Variants in KLF12 observed in about 807,000 individuals in gnomAD.
The protein encoded by KLF12 is Krueppel-like factor 12.
Under a neutral mutation model 37.8 loss-of-function variants are expected in KLF12, and 9 were observed. That is an observed-to-expected ratio of 0.24 (90% confidence interval 0.14 to 0.42). The LOEUF (loss-of-function observed/expected upper bound fraction) is 0.42, where lower values mean the gene tolerates loss of function less well. Among genes scored for constraint, KLF12 ranks in the 10% least tolerant of loss-of-function variants. The pLI is 1.00. For synonymous variants in KLF12, 208 were observed against 202.1 expected, an observed-to-expected ratio of 1.03 and a Z score of -0.25; for missense variants, 411 against 516.0, an observed-to-expected ratio of 0.80 and a Z score of 1.97.
the KLF12 span, among the ~76,000 whole-genome samples, chr13:74,301,817 A>G: frequency 1.3e-5 from 2 of 152,066 alleles, no homozygotes; most frequent in African/African-American, 2.4e-5. Flanking sequence ...AATCCAACCA[A>G]TCGCAGTATT....
chr13:73,713,471 C>T (rs1253616229), intron 7 of KLF12, among the ~76,000 whole-genome samples: 6 of 152,184 alleles, frequency 3.9e-5, no homozygotes, highest in Non-Finnish European at 8.8e-5. Context: ...CATAAGTATG[C>T]AGAAAACTGC....
chr13:74,135,561 G>C (rs954273802), upstream of KLF12, among the ~76,000 whole-genome samples: 4 of 151,260 alleles, frequency 2.6e-5, no homozygotes, highest in African/African-American at 9.7e-5. Flanking sequence ...CGGAGGGTCG[G>C]CGGGGGCGGG....
chr13:73,930,897 C>T (rs140917295), intron 3 of KLF12, among the ~76,000 whole-genome samples: 1 of 129,910 alleles, frequency 7.7e-6, no homozygotes, highest in East Asian at 2.3e-4. Flanking sequence ...CGGAGTTTCG[C>T]TCCTTGCCCA....
At chr13:74,055,681 A>G (rs974220074) in intron 1 of KLF12, among the ~76,000 whole-genome samples, 11 of 152,214 alleles carry the variant, frequency 7.2e-5, no homozygotes, top group East Asian at 1.9e-4. Flanking sequence ...GATACGTCCA[A>G]AGGAAATTTT....
rs912826236 is a variant in KLF12 at position 74,066,544 on chromosome 13, C to T, written c.-32+67195G>A. Among the ~76,000 whole-genome samples, 64 of 152,050 alleles carry T rather than the reference C, an allele frequency of 4.2e-4. 1 individual carries two copies. Among genetic ancestry groups the T allele is most frequent in the African/African-American group, 1.4e-3 (58 of 41,374 alleles). ...CAACACGCACCTGTAGTCCCAGTTA[C>T]TCAGGAGGCTAAGGTGGGAGAACGA... On this transcript the variant is annotated intron_variant, in intron 1 of 7. Transcript: ENST00000377669.
rs375345350 is a variant in KLF12, at chr13:73,718,299, C to T, written c.870-2774G>A. ...TTTCTTTAGGGACCAATGAAGTAAT[C>T]GGGCAACACAGCCCATCAACCACTT... is the stretch of plus-strand genomic sequence containing the variant. On this transcript the variant is annotated intron_variant, in intron 6 of 7. Transcript: ENST00000377669. Among the ~76,000 whole-genome samples the T allele has an allele frequency of 1.1e-4, 17 of 152,244 alleles. No individual in the cohort carries two copies. In the East Asian group the frequency reaches 1.7e-3, roughly 16 times the overall value.
chr13:74,133,104 C>T (rs1336891870), intron 1 of KLF12, among the ~76,000 whole-genome samples: 1 of 152,186 alleles, frequency 6.6e-6, no homozygotes, highest in African/African-American at 2.4e-5. Flanking sequence ...CTTGCATGGA[C>T]CAGGCACTGT....
intron 7 of KLF12, among the ~76,000 whole-genome samples, chr13:73,708,294 C>G (rs1252161268): frequency 6.6e-6 from 1 of 152,070 alleles, no homozygotes; most frequent in Admixed American, 6.5e-5. Context: ...CCTACTGGGC[C>G]TCACAAATTT....
At chr13:73,973,278 G>A (rs974258188) in intron 2 of KLF12, among the ~76,000 whole-genome samples, 1 of 152,154 alleles carries the variant, frequency 6.6e-6, no homozygotes, top group Non-Finnish European at 1.5e-5. Flanking sequence ...CCAATAAAAA[G>A]GAAAGCCACA....
chr13:73,927,384 G>C (rs940759465), intron 3 of KLF12, among the ~76,000 whole-genome samples: 1 of 152,092 alleles, frequency 6.6e-6, no homozygotes, highest in Non-Finnish European at 1.5e-5. Context: ...GAAAACATCA[G>C]CTGTGGGGCA....
chr13:73,911,880 G>A (rs1888585818), intron 3 of KLF12, among the ~76,000 whole-genome samples: 1 of 152,136 alleles, frequency 6.6e-6, no homozygotes, highest in African/African-American at 2.4e-5. Context: ...ACTCTGTCAT[G>A]TAGGCCAGAG....
intron 6 of KLF12, among the ~76,000 whole-genome samples, chr13:73,753,181 T>G (rs1337107388): frequency 6.6e-6 from 1 of 152,164 alleles, no homozygotes; most frequent in Non-Finnish European, 1.5e-5. Flanking sequence ...GCGGACTACA[T>G]GTTTCTGCTC....
chr13:74,022,766 G>A (rs1343599463), intron 1 of KLF12, among the ~76,000 whole-genome samples: 1 of 151,200 alleles, frequency 6.6e-6, no homozygotes, highest in East Asian at 1.9e-4. Flanking sequence ...TAACGTATTG[G>A]CCGCCTCCTT....
At chr13:74,213,732 TA>T in the KLF12 span, among the ~76,000 whole-genome samples, 1 of 151,816 alleles carries the variant, frequency 6.6e-6, no homozygotes, top group East Asian at 1.9e-4. Context: ...GTTCGAACTC[TA>T]AAAAAAATCT....
chr13:73,736,664 C>T (rs1025321714), intron 6 of KLF12, among the ~76,000 whole-genome samples: 6 of 152,314 alleles, frequency 3.9e-5, no homozygotes, highest in African/African-American at 7.2e-5. Flanking sequence ...ATGCATATTT[C>T]GGCTTCCAAA....
rs748487379 is a variant in KLF12, at chr13:73,845,872, T to A, written c.625A>T (p.Thr209Ser). 1 of 1,614,078 alleles carries A rather than the reference T, an allele frequency of 6.2e-7. No homozygotes were observed. The highest frequency in any genetic ancestry group is 8.5e-7 in the Non-Finnish European group (1 of 1,180,014). The change falls in exon 4 of 8, where the codon ACT becomes TCT. Residue 209 changes from threonine to serine, a missense_variant. Transcript: ENST00000377669. The stretch of plus-strand genomic sequence containing the variant: ...TCCTCCAAAAGCGGCACGACAATAG[T>A]GTTGTTCACATTTCCAGGTGACCTT...
At chr13:73,891,023 C>T (rs1887479523) in intron 3 of KLF12, among the ~76,000 whole-genome samples, 1 of 152,008 alleles carries the variant, frequency 6.6e-6, no homozygotes, top group Admixed American at 6.6e-5. Flanking sequence ...AGTCATTTTA[C>T]ACCTTTAAAT....
At chr13:73,763,440 A>G (rs571597027) in intron 6 of KLF12, among the ~76,000 whole-genome samples, 1 of 152,320 alleles carries the variant, frequency 6.6e-6, no homozygotes, top group Admixed American at 6.5e-5. Context: ...TGAATAAATA[A>G]AAGTTGAATT....
intron 2 of KLF12, among the ~76,000 whole-genome samples, chr13:73,956,861 G>C (rs897513705): frequency 6.6e-6 from 1 of 151,884 alleles, no homozygotes; most frequent in East Asian, 1.9e-4. Context: ...GGAGGTCGAG[G>C]CTATGACCCA....
Sources: allele counts gnomAD v4.1 joint callset (sites outside exome capture counted in the v4.1 genomes callset), GRCh38; gene constraint gnomAD v4.1.1; transcripts MANE v1.5; gene names NCBI Gene and HGNC (gene_info 2026-07-23, HGNC 2026-07-21).